The following ZNF680 variants were observed in gnomAD, a reference collection of about 807,000 sequenced individuals.
ZNF680 encodes hypothetical protein FLJ90430.
A neutral mutation model predicts 12.1 loss-of-function variants in ZNF680; 6 were observed. The observed-to-expected ratio is 0.49, with a 90% CI of 0.27 to 0.98. The LOEUF (loss-of-function observed/expected upper bound fraction) is 0.98, where lower values mean the gene tolerates loss of function less well. ZNF680 is among the 50% of genes least tolerant of loss of function. ZNF680 has a pLI of 0.12. For missense variants in ZNF680, 561 were observed against 616.3 expected (o/e 0.91, Z 0.95); for synonymous variants, 170 against 199.3 (o/e 0.85, Z 1.24).
chr7:64,545,702 T>C (rs1362906194), intron 1 of ZNF680, among the ~76,000 whole-genome samples: 1 of 152,240 alleles, frequency 6.6e-6, no homozygotes, highest in East Asian at 1.9e-4. Flanking sequence ...TAGTCTTTCT[T>C]CAGCACCCTA....
chr7:64,554,453 G>A (rs1363164849), intron 1 of ZNF680, among the ~76,000 whole-genome samples: 2 of 151,434 alleles, frequency 1.3e-5, no homozygotes, highest in African/African-American at 2.4e-5. Flanking sequence ...TCTGGGAGGT[G>A]GGGGGGCGCC....
intron 3 of ZNF680, among the ~76,000 whole-genome samples, chr7:64,542,076 T>C (rs1584383469): frequency 6.6e-6 from 1 of 152,288 alleles, no homozygotes; most frequent in East Asian, 1.9e-4. Flanking sequence ...GAAAAATATT[T>C]AGTCTGTTCC....
At chr7:64,552,650 A>G (rs1015846641) in intron 1 of ZNF680, among the ~76,000 whole-genome samples, 2 of 152,262 alleles carry the variant, frequency 1.3e-5, no homozygotes, top group Non-Finnish European at 2.9e-5. Context: ...CTAAATATAA[A>G]TAATTTTAAT....
intron 3 of ZNF680, among the ~76,000 whole-genome samples, chr7:64,543,245 A>G (rs959445827): frequency 1.3e-5 from 2 of 152,212 alleles, no homozygotes; most frequent in African/African-American, 4.8e-5. Flanking sequence ...ATTTCGAACT[A>G]TATTTCGACT....
the ZNF680 span, chr7:64,501,792 C>G: frequency 1.4e-6 from 1 of 697,490 alleles, no homozygotes; most frequent in South Asian, 1.4e-5. Context: ...TCTCTAAGAT[C>G]AAATTTTTTA....
chr7:64,558,592 A>AT (rs890507265), intron 1 of ZNF680, among the ~76,000 whole-genome samples: 5 of 152,294 alleles, frequency 3.3e-5, no homozygotes, highest in Admixed American at 1.3e-4. Context: ...CCACAGGCAG[A>AT]TGTAGTTAAG....
the ZNF680 span, among the ~76,000 whole-genome samples, chr7:64,499,845 C>T: frequency 3.9e-5 from 6 of 152,310 alleles, no homozygotes; most frequent in Admixed American, 3.3e-4. Flanking sequence ...ACAATGGGCC[C>T]CAGTAAAACA....
At chr7:64,553,190 T>C (rs936118804) in intron 1 of ZNF680, among the ~76,000 whole-genome samples, 1 of 151,870 alleles carries the variant, frequency 6.6e-6, no homozygotes, top group Admixed American at 6.6e-5. Flanking sequence ...ACAATGCTAA[T>C]TGTTCTGAAG....
At chr7:64,553,731 G>A (rs1049219189) in intron 1 of ZNF680, among the ~76,000 whole-genome samples, 29 of 151,478 alleles carry the variant, frequency 1.9e-4, no homozygotes, top group East Asian at 5.8e-4. Context: ...GATTGCAGGC[G>A]CGCGCCGCCA....
chr7:64,526,751 A>C (rs1791871484), intron 3 of ZNF680, among the ~76,000 whole-genome samples: 1 of 152,186 alleles, frequency 6.6e-6, no homozygotes, highest in Admixed American at 6.5e-5. Context: ...AAAAAATAAT[A>C]GTTTTTAACA....
At chr7:64,559,902 T>G (rs1787636491) in intron 1 of ZNF680, among the ~76,000 whole-genome samples, 1 of 152,160 alleles carries the variant, frequency 6.6e-6, no homozygotes, top group African/African-American at 2.4e-5. Flanking sequence ...TAGTAAACAA[T>G]TATTCATTTG....
chr7:64,524,197 G>T (rs192922541), intron 3 of ZNF680, among the ~76,000 whole-genome samples: 7 of 150,246 alleles, frequency 4.7e-5, no homozygotes, highest in Admixed American at 2.7e-4. Context: ...GCCTAGGCTG[G>T]AGTGCAATGG....
chr7:64,554,230 G>A lies in ZNF680; in HGVS notation c.30+8695C>T, dbSNP rs1267976344. Among the ~76,000 whole-genome samples, 8 of 151,280 alleles carry A rather than the reference G, an allele frequency of 5.3e-5. No homozygotes were observed. The South Asian group carries it at 1.0e-3, about 20-fold the overall frequency. ...TGAGATGTGAAGAGCGCCTCTGCCC[G>A]GCCGCGACCCCGTCTGGGAACTGAG... On this transcript the variant is annotated intron_variant, in intron 1 of 3. Coordinates refer to ENST00000309683, the MANE Select transcript of ZNF680 (RefSeq NM_178558.5).
intron 1 of ZNF680, among the ~76,000 whole-genome samples, chr7:64,554,200 C>T (rs1787260682): frequency 6.6e-6 from 1 of 150,574 alleles, no homozygotes; most frequent in Non-Finnish European, 1.5e-5. Flanking sequence ...CCCCGCCGCC[C>T]CGTCTGAGAT....
intron 2 of ZNF680, chr7:64,544,103 T>C (rs1331755980): frequency 1.4e-6 from 1 of 705,630 alleles, no homozygotes; most frequent in Admixed American, 3.2e-5. Flanking sequence ...AGGACATAGA[T>C]CAGCTCAGGA....
intron 1 of ZNF680, among the ~76,000 whole-genome samples, chr7:64,554,316 C>G (rs1222382058): frequency 4.6e-5 from 7 of 152,114 alleles, no homozygotes; most frequent in South Asian, 2.1e-4. Context: ...GACCGGCCAC[C>G]CAGTCTGGGA....
chr7:64,544,012 G>T (rs201211671), intron 2 of ZNF680: 8 of 594,632 alleles, frequency 1.3e-5, no homozygotes, highest in Non-Finnish European at 2.2e-5. Context: ...TCAAAAATTG[G>T]TGGGGGCAAT....
Position 64,520,369 on chromosome 7 carries a change from T to G in ZNF680, c.*792A>C, listed in dbSNP as rs555198582. On this transcript the variant is annotated 3_prime_UTR_variant, in exon 4 of 4. Coordinates refer to ENST00000309683, the MANE Select transcript of ZNF680 (RefSeq NM_178558.5). ...TATACTTTCAATGTAATTATAACTC[T>G]CCAAAGAATCTTCTACTCCTTTTAA... 6.6e-6 allele frequency: 1 copy of G among 151,930 alleles called. No individual in the cohort carries two copies. Among genetic ancestry groups the G allele is most frequent in the African/African-American group, 2.4e-5 (1 of 41,538 alleles). 9.4% of individuals were successfully genotyped at this position (151,930 alleles called of 1,614,324 possible).
intron 3 of ZNF680, among the ~76,000 whole-genome samples, chr7:64,528,030 A>G (rs1020161857): frequency 3.3e-5 from 5 of 152,064 alleles, no homozygotes; most frequent in African/African-American, 1.2e-4. Flanking sequence ...CTGAACATGC[A>G]CCCCCACTGG....
Sources: allele counts gnomAD v4.1 joint callset (sites outside exome capture counted in the v4.1 genomes callset), GRCh38; gene constraint gnomAD v4.1.1; transcripts MANE v1.5; gene names NCBI Gene and HGNC (gene_info 2026-07-23, HGNC 2026-07-21).